PCDH11X: variants seen among roughly 807,000 people sequenced by gnomAD.
PCDH11X encodes protocadherin 11 X-linked.
PCDH11X carries 18 observed loss-of-function variants against 53.3 expected under a neutral mutation model. The observed-to-expected ratio is 0.34, with a 90% CI of 0.23 to 0.50. The LOEUF (loss-of-function observed/expected upper bound fraction) is 0.50, where lower values mean the gene tolerates loss of function less well. Ranked by LOEUF, PCDH11X falls within the 20% of genes least tolerant of loss-of-function variation. PCDH11X has a pLI of 0.98. For missense variants in PCDH11X, 570 were observed against 1,032.4 expected (o/e 0.55, Z 6.14); for synonymous variants, 279 against 393.3 (o/e 0.71, Z 3.44).
chrX:92,120,274 C>T (rs1411913512), intron 6 of PCDH11X, among the ~76,000 whole-genome samples: 1 of 107,814 alleles, frequency 9.3e-6, no homozygotes, highest in Admixed American at 1.0e-4. Context: ...AGTTCTCTGC[C>T]TCAGCCTCCC....
chrX:92,103,265 A>G (rs2148140352), intron 6 of PCDH11X, among the ~76,000 whole-genome samples: 1 of 110,779 alleles, frequency 9.0e-6, no homozygotes, highest in East Asian at 2.9e-4. Flanking sequence ...AGTGCATAAA[A>G]GCGTGTTGTC....
At chrX:92,493,077 A>C (rs2073794785) in intron 10 of PCDH11X, among the ~76,000 whole-genome samples, 1 of 111,405 alleles carries the variant, frequency 9.0e-6, no homozygotes, top group Admixed American at 9.6e-5. Context: ...CAAACTCTGA[A>C]TTATGTAAAA....
intron 5 of PCDH11X, among the ~76,000 whole-genome samples, chrX:91,875,855 AT>A (rs920035654): frequency 3.3e-4 from 36 of 109,440 alleles, no homozygotes; most frequent in Non-Finnish European, 5.5e-4. Context: ...CAGTTTGTGT[AT>A]TTTTTTTCCA....
At chrX:92,397,544 T>C (rs1401804616) in intron 9 of PCDH11X, among the ~76,000 whole-genome samples, 1 of 108,463 alleles carries the variant, frequency 9.2e-6, no homozygotes, top group Non-Finnish European at 1.9e-5. Context: ...CTCAGCTCAC[T>C]GCAACCTGGG....
rs931318256 is a variant in PCDH11X at position 92,204,264 on chromosome X, GA to G, written c.3114+2813del. ...CTGCAGCAGGCTTGAATTTCTCCCA[GA>G]AAATGAATTTTTCTTTTCTATCATA... is the stretch of plus-strand genomic sequence containing the variant. On this transcript the variant is annotated intron_variant, in intron 7 of 10. Coordinates refer to ENST00000682573, the MANE Select transcript of PCDH11X (RefSeq NM_032968.5). 6.3e-5 allele frequency among the ~76,000 whole-genome samples: 7 copies of G among 111,936 alleles called. No individual in the cohort carries two copies. The Admixed American group carries it at 6.7e-4, about 11-fold the overall frequency.
intron 6 of PCDH11X, among the ~76,000 whole-genome samples, chrX:91,899,127 C>T: frequency 9.0e-6 from 1 of 111,233 alleles, no homozygotes; most frequent in East Asian, 2.9e-4. Context: ...TGAAGTCCCA[C>T]AATAGGCTGA....
chrX:92,567,931 G>A (rs1435967699), intron 10 of PCDH11X, among the ~76,000 whole-genome samples: 4 of 109,335 alleles, frequency 3.7e-5, no homozygotes, highest in Non-Finnish European at 5.7e-5. Flanking sequence ...TGATCCATGC[G>A]ACAAACCACC....
chrX:91,985,571 C>T (rs2062216713), intron 6 of PCDH11X, among the ~76,000 whole-genome samples: 1 of 112,004 alleles, frequency 8.9e-6, no homozygotes, highest in South Asian at 3.8e-4. Flanking sequence ...CAGGGAAAAC[C>T]ATACTCAAAC....
chrX:92,504,105 A>C (rs1461282173), intron 10 of PCDH11X, among the ~76,000 whole-genome samples: 1 of 97,809 alleles, frequency 1.0e-5, no homozygotes, highest in Non-Finnish European at 2.1e-5. Flanking sequence ...TCTTCATATT[A>C]TGAATGTTTT....
intron 10 of PCDH11X, among the ~76,000 whole-genome samples, chrX:92,571,359 T>C (rs1922196007): frequency 9.0e-6 from 1 of 111,414 alleles, no homozygotes. Context: ...AGTATTTTAG[T>C]AAATTAAAAT....
At chrX:92,057,725 T>A (rs1366876639) in intron 6 of PCDH11X, among the ~76,000 whole-genome samples, 28 of 102,859 alleles carry the variant, frequency 2.7e-4, no homozygotes, top group South Asian at 8.8e-4. Context: ...GGATGACTCA[T>A]TTTTATAAAC....
chrX:91,850,009 A>T (rs901165871), intron 5 of PCDH11X, among the ~76,000 whole-genome samples: 1 of 105,525 alleles, frequency 9.5e-6, no homozygotes, highest in Admixed American at 1.0e-4. Flanking sequence ...ATTTTTTAAT[A>T]GTCCAGAATT....
At position 92,141,649 on chromosome X, in the gene PCDH11X, A is replaced by G. The variant is rs755763695; in HGVS notation, c.3034-59726A>G. ...ATCACAGTTATGTTGCTATTTTTAT[A>G]TTTATAATATAGACATGTGCTTTAG... On this transcript the variant is annotated intron_variant, in intron 6 of 10. Transcript: ENST00000682573. Among the ~76,000 whole-genome samples the G allele has an allele frequency of 2.7e-5, 3 of 111,697 alleles. No individual in the cohort carries two copies. The East Asian group carries it at 8.4e-4, about 31-fold the overall frequency.
intron 10 of PCDH11X, among the ~76,000 whole-genome samples, chrX:92,536,183 T>A (rs1328382155): frequency 1.8e-5 from 2 of 111,500 alleles, no homozygotes; most frequent in African/African-American, 6.5e-5. Flanking sequence ...TTTGGTCTGT[T>A]CTTCTGTTAG....
intron 9 of PCDH11X, among the ~76,000 whole-genome samples, chrX:92,465,897 T>G (rs1021920477): frequency 6.3e-5 from 7 of 111,037 alleles, no homozygotes; most frequent in Non-Finnish European, 1.1e-4. Flanking sequence ...AGTCATTAAT[T>G]CAGAAAATAA....
At chrX:91,886,019 G>A (rs1184666189) in intron 6 of PCDH11X, among the ~76,000 whole-genome samples, 1 of 111,261 alleles carries the variant, frequency 9.0e-6, no homozygotes, top group African/African-American at 3.3e-5. Context: ...TTTTGTTTGA[G>A]AGAATATTAT....
At chrX:92,528,694 A>G (rs1376534600) in intron 10 of PCDH11X, among the ~76,000 whole-genome samples, 1 of 111,692 alleles carries the variant, frequency 9.0e-6, no homozygotes, top group Admixed American at 9.6e-5. Flanking sequence ...CTATATTTTA[A>G]TAAGAATTCA....
At chrX:92,411,002 G>A (rs917157395) in intron 9 of PCDH11X, among the ~76,000 whole-genome samples, 5 of 110,051 alleles carry the variant, frequency 4.5e-5, no homozygotes, top group African/African-American at 1.7e-4. Context: ...TTTAATGAAA[G>A]CTATGTACAT....
chrX:92,376,279 T>C (rs1459019956), intron 8 of PCDH11X, among the ~76,000 whole-genome samples: 1 of 112,069 alleles, frequency 8.9e-6, no homozygotes, highest in Non-Finnish European at 1.9e-5. Context: ...GTTTCCAACT[T>C]AGAGTTTACC....
Sources: gnomAD v4.1 joint callset for allele counts (sites outside exome capture counted in the v4.1 genomes callset) on GRCh38, gnomAD v4.1.1 for gene constraint, MANE v1.5 for transcripts, NCBI Gene and HGNC (gene_info 2026-07-23, HGNC 2026-07-21) for gene names.